SEM1: variants seen among roughly 807,000 people sequenced by gnomAD.
The protein encoded by SEM1 is 26S proteasome complex subunit SEM1.
In SEM1, 3 loss-of-function variants were observed where a neutral mutation model predicts 12.7. That is an observed-to-expected ratio of 0.24 (90% CI 0.11 to 0.61). The LOEUF (loss-of-function observed/expected upper bound fraction) is 0.61. SEM1 is among the 20% of genes least tolerant of loss of function. SEM1 has a pLI of 0.88. For missense variants in SEM1, 59 were observed against 81.3 expected, an observed-to-expected ratio of 0.73 and a Z score of 1.06; for synonymous variants, 30 against 27.8, an observed-to-expected ratio of 1.08 and a Z score of -0.25.
chr7:96,634,206 T>C (rs1808358202), intron 2 of SEM1, among the ~76,000 whole-genome samples: 1 of 152,168 alleles, frequency 6.6e-6, no homozygotes, highest in Admixed American at 6.6e-5. Flanking sequence ...CAGGCGATAC[T>C]AGCCAGGAAT....
At chr7:96,603,870 G>GA (rs1807263487) in intron 2 of SEM1, among the ~76,000 whole-genome samples, 3 of 120,194 alleles carry the variant, frequency 2.5e-5, no homozygotes, top group Non-Finnish European at 3.4e-5. Context: ...AATGAACATT[G>GA]AAAGTTACAG....
intron 2 of SEM1, among the ~76,000 whole-genome samples, chr7:96,658,024 G>A (rs962304927): frequency 6.6e-6 from 1 of 152,278 alleles, no homozygotes; most frequent in African/African-American, 2.4e-5. Context: ...TAGAAAAAGT[G>A]CTATTTTAAG....
intron 2 of SEM1, among the ~76,000 whole-genome samples, chr7:96,588,373 C>G (rs1223119594): frequency 1.6e-5 from 2 of 121,854 alleles, no homozygotes; most frequent in Non-Finnish European, 3.4e-5. Flanking sequence ...CACACACACA[C>G]ACACACACAC....
chr7:96,571,784 G>C (rs1806038348), intron 2 of SEM1, among the ~76,000 whole-genome samples: 1 of 151,950 alleles, frequency 6.6e-6, no homozygotes, highest in Non-Finnish European at 1.5e-5. Context: ...GCCAGGTTTT[G>C]GTATCAGGAT....
At chr7:96,659,843 C>G (rs1168755888) in intron 2 of SEM1, among the ~76,000 whole-genome samples, 1 of 129,582 alleles carries the variant, frequency 7.7e-6, no homozygotes, top group African/African-American at 2.9e-5. Flanking sequence ...CCAAGCCCCC[C>G]AAAAGGCAAG....
In SEM1 at chr7:96,694,810, G is replaced by A. The variant is rs1308414397; in HGVS notation, c.158C>T (p.Ser53Phe). 1 of 1,605,446 alleles carries A rather than the reference G, an allele frequency of 6.2e-7. No individual in the cohort carries two copies. The change falls in exon 2 of 3, where the codon TCT becomes TTT. Residue 53 changes from serine to phenylalanine, a missense_variant. Coordinates refer to ENST00000248566, the MANE Select transcript of SEM1 (RefSeq NM_006304.2). ...WDDDNVEDDFSNQLRAELEKH... is the reference protein window; with the variant it reads ...WDDDNVEDDFFNQLRAELEKH... ...GCTTAAAACTTACCGTAACTGATTA[G>A]AGAAGTCATCCTCTACATTGTCATC...
intron 2 of SEM1, among the ~76,000 whole-genome samples, chr7:96,553,342 T>C (rs2115857239): frequency 6.6e-6 from 1 of 151,722 alleles, no homozygotes; most frequent in African/African-American, 2.4e-5. Context: ...AACATTTAAG[T>C]CTTTAATCCA....
intron 2 of SEM1, among the ~76,000 whole-genome samples, chr7:96,594,370 T>A (rs947826014): frequency 6.6e-6 from 1 of 151,786 alleles, no homozygotes; most frequent in Non-Finnish European, 1.5e-5. Flanking sequence ...CCATCCCACA[T>A]CCTCTGAGGA....
chr7:96,512,047 A>G (rs1406044424), intron 2 of SEM1, among the ~76,000 whole-genome samples: 2 of 152,118 alleles, frequency 1.3e-5, no homozygotes, highest in Non-Finnish European at 1.5e-5. Context: ...GCCAGACTTT[A>G]AAGTCTTAAG....
In SEM1 at chr7:96,692,401, C is replaced by T. The variant is rs149204782; in HGVS notation, c.170+2397G>A. Among the ~76,000 whole-genome samples, 222 of 152,190 alleles carry T rather than the reference C, an allele frequency of 1.5e-3. No homozygotes were observed. The Middle Eastern group carries it at 0.02, about 14-fold the overall frequency. ...ACATATCAGGAAGAAAACTCTGACA[C>T]GTGATTAAAAACACAGAGTAGAGAT... On this transcript the variant is annotated intron_variant, in intron 2 of 2. Coordinates refer to ENST00000248566, the MANE Select transcript of SEM1 (RefSeq NM_006304.2).
chr7:96,521,922 A>T (rs555279788), intron 2 of SEM1, among the ~76,000 whole-genome samples: 45 of 152,262 alleles, frequency 3.0e-4, no homozygotes, highest in Admixed American at 7.2e-4. Context: ...CCCTTACACT[A>T]TAGAGTTACC....
At chr7:96,557,734 C>CG (rs949970052) in intron 2 of SEM1, among the ~76,000 whole-genome samples, 1 of 145,680 alleles carries the variant, frequency 6.9e-6, no homozygotes, top group Non-Finnish European at 1.5e-5. Flanking sequence ...TGGAGCTTCC[C>CG]GGCTGCTTTG....
At chr7:96,618,873 C>A (rs1212794584), downstream of SEM1, among the ~76,000 whole-genome samples, 2 of 152,036 alleles carry the variant, frequency 1.3e-5, no homozygotes, top group Non-Finnish European at 2.9e-5. Context: ...ATCACTTGAG[C>A]CCAGGTGTTC....
downstream of SEM1, among the ~76,000 whole-genome samples, chr7:96,672,225 G>A (rs1789335450): frequency 6.6e-6 from 1 of 152,142 alleles, no homozygotes; most frequent in African/African-American, 2.4e-5. Flanking sequence ...GAACAGTGGT[G>A]GGCAGGAAAC....
chr7:96,686,826 C>G (rs960829967), downstream of SEM1, among the ~76,000 whole-genome samples: 6 of 151,944 alleles, frequency 3.9e-5, no homozygotes, highest in African/African-American at 1.2e-4. Flanking sequence ...CACAGCAAAA[C>G]AAACTACCAT....
intron 2 of SEM1, among the ~76,000 whole-genome samples, chr7:96,545,141 G>C (rs1340716508): frequency 1.3e-5 from 2 of 151,878 alleles, no homozygotes; most frequent in African/African-American, 4.8e-5. Context: ...CCCCTTTTTA[G>C]GTTCTTCCAC....
intron 1 of SEM1, among the ~76,000 whole-genome samples, chr7:96,492,009 T>C (rs563026394): frequency 4.6e-4 from 70 of 152,280 alleles, no homozygotes; most frequent in African/African-American, 1.5e-3. Context: ...TGGAAGCACT[T>C]CCTTGGTTTG....
At chr7:96,589,636 T>C (rs1806765750) in intron 2 of SEM1, among the ~76,000 whole-genome samples, 1 of 152,198 alleles carries the variant, frequency 6.6e-6, no homozygotes. Context: ...TGTTTGCAGG[T>C]ATTAAATTCC....
chr7:96,622,954 T>C, intron 2 of SEM1: 1 of 304,984 alleles, frequency 3.3e-6, no homozygotes, highest in Non-Finnish European at 6.1e-6. Context: ...TCAATTCACC[T>C]GAGTCACAGG....
Sources: allele counts gnomAD v4.1 joint callset (sites outside exome capture counted in the v4.1 genomes callset), GRCh38; gene constraint gnomAD v4.1.1; transcripts MANE v1.5; gene names NCBI Gene and HGNC (gene_info 2026-07-23, HGNC 2026-07-21).